The following WDR70 variants were observed in gnomAD, a reference collection of about 807,000 sequenced individuals.
The protein encoded by WDR70 is WD repeat domain 70, also known as WD repeat-containing protein 70.
Under a neutral mutation model 88.6 loss-of-function variants are expected in WDR70, and 53 were observed. The observed-to-expected ratio is 0.60, with a 90% CI of 0.48 to 0.75. WDR70 has a LOEUF of 0.75. Ranked by LOEUF, WDR70 falls within the 30% of genes least tolerant of loss-of-function variation. The probability of loss-of-function intolerance (pLI) is 0.00; values close to 1 mark genes in which losing one functional copy is unlikely to be tolerated. For synonymous variants in WDR70, 280 were observed against 270.0 expected, an observed-to-expected ratio of 1.04 and a Z score of -0.36; for missense variants, 610 against 823.2, an observed-to-expected ratio of 0.74 and a Z score of 3.17.
intron 10 of WDR70, among the ~76,000 whole-genome samples, chr5:37,613,711 T>TA (rs1308314091): frequency 6.6e-6 from 1 of 152,194 alleles, no homozygotes; most frequent in African/African-American, 2.4e-5. Flanking sequence ...ACTTACTAAG[T>TA]ACTTACTGTG....
chr5:37,714,620 G>A (rs926416481), intron 13 of WDR70, among the ~76,000 whole-genome samples: 11 of 152,164 alleles, frequency 7.2e-5, no homozygotes, highest in Non-Finnish European at 1.0e-4. Context: ...CCACCAGTGG[G>A]AAGCTCTGCT....
At chr5:37,721,084 T>G (rs1243459732) in intron 13 of WDR70, 31 bp from the exon 14 acceptor site, 1 of 1,604,448 alleles carries the variant, frequency 6.2e-7, no homozygotes, top group Admixed American at 1.7e-5. Flanking sequence ...ATCTGGCCTC[T>G]TTAGTCAACC....
intron 6 of WDR70, among the ~76,000 whole-genome samples, chr5:37,439,821 A>AC (rs1473660421): frequency 1.3e-5 from 2 of 151,986 alleles, no homozygotes; most frequent in African/African-American, 4.8e-5. Flanking sequence ...TCCCCACCTT[A>AC]CAGGATTATT....
At chr5:37,692,869 C>A (rs56051431) in intron 10 of WDR70, among the ~76,000 whole-genome samples, 35,909 of 151,706 alleles carry the variant, frequency 0.24, 4,952 homozygotes, top group Admixed American at 0.38. Flanking sequence ...TGGGCCAGGG[C>A]AATCAGGCAA....
At chr5:37,697,829 C>T in intron 11 of WDR70, 75 bp downstream of exon 11, 1 of 1,284,750 alleles carries the variant, frequency 7.8e-7, no homozygotes, top group Non-Finnish European at 1.1e-6. Flanking sequence ...ACAATAATAT[C>T]CTAGTGCTTA....
intron 9 of WDR70, among the ~76,000 whole-genome samples, chr5:37,578,706 T>TAA (rs1743127780): frequency 6.6e-6 from 1 of 152,224 alleles, no homozygotes; most frequent in Non-Finnish European, 1.5e-5. Context: ...CTAATTAGAC[T>TAA]CTGTTCTCAA....
At position 37,557,010 on chromosome 5, in the gene WDR70, G is replaced by A. The variant is rs145045409; in HGVS notation, c.917+40420G>A. ...GGGGTTTCACTGGGCTTAATATTTC[G>A]TTTTCCTTTTAAAAATGCAATTGTA... On this transcript the variant is annotated intron_variant, in intron 9 of 17. Transcript: ENST00000265107. Among the ~76,000 whole-genome samples the A allele has an allele frequency of 2.5e-4, 38 of 152,106 alleles. No homozygotes were observed. The Middle Eastern group carries it at 0.01, about 41-fold the overall frequency.
At chr5:37,581,291 G>A (rs1364463524) in intron 9 of WDR70, among the ~76,000 whole-genome samples, 1 of 152,094 alleles carries the variant, frequency 6.6e-6, no homozygotes, top group Non-Finnish European at 1.5e-5. Flanking sequence ...AATAAACACA[G>A]TTGGGCATTT....
chr5:37,455,400 C>G (rs1367193504), intron 7 of WDR70, among the ~76,000 whole-genome samples: 2 of 151,644 alleles, frequency 1.3e-5, no homozygotes, highest in South Asian at 4.2e-4. Context: ...CGCCACCATG[C>G]CCGGCTAATT....
At chr5:37,594,376 C>T (rs954071450) in intron 9 of WDR70, among the ~76,000 whole-genome samples, 23 of 152,212 alleles carry the variant, frequency 1.5e-4, no homozygotes, top group Non-Finnish European at 2.8e-4. Context: ...AGCCAGTTTT[C>T]CCAGCACCAT....
At chr5:37,617,134 G>A (rs1744368036) in intron 10 of WDR70, among the ~76,000 whole-genome samples, 1 of 152,150 alleles carries the variant, frequency 6.6e-6, no homozygotes, top group Admixed American at 6.6e-5. Context: ...GAACAATACT[G>A]TGAATTAAGT....
intron 17 of WDR70, among the ~76,000 whole-genome samples, chr5:37,739,992 T>C (rs912525553): frequency 2.6e-5 from 4 of 152,236 alleles, no homozygotes; most frequent in Non-Finnish European, 5.9e-5. Context: ...ATTTGTTTCC[T>C]GTTAGCTTTA....
At chr5:37,600,439 A>G (rs917900879) in intron 9 of WDR70, among the ~76,000 whole-genome samples, 2 of 150,682 alleles carry the variant, frequency 1.3e-5, no homozygotes, top group Non-Finnish European at 2.9e-5. Flanking sequence ...AGGCAGGAGA[A>G]TGGCATGAAC....
At chr5:37,421,623 CTG>C (rs1453924443) in intron 5 of WDR70, among the ~76,000 whole-genome samples, 1 of 152,070 alleles carries the variant, frequency 6.6e-6, no homozygotes, top group African/African-American at 2.4e-5. Context: ...AGTAACAGAA[CTG>C]TGGAGATATC....
chr5:37,591,456 TG>T (rs35399206), intron 9 of WDR70, among the ~76,000 whole-genome samples: 5,664 of 152,234 alleles, frequency 0.037, 360 homozygotes, highest in African/African-American at 0.13. Flanking sequence ...TTAGACGAAA[TG>T]GAAAAATTTC....
At chr5:37,543,653 A>G (rs1396914410) in intron 9 of WDR70, among the ~76,000 whole-genome samples, 1 of 152,160 alleles carries the variant, frequency 6.6e-6, no homozygotes, top group African/African-American at 2.4e-5. Context: ...GCATTTCTTA[A>G]TATTGGCTTA....
At chr5:37,623,406 T>A (rs749367186) in intron 10 of WDR70, among the ~76,000 whole-genome samples, 1 of 152,164 alleles carries the variant, frequency 6.6e-6, no homozygotes, top group South Asian at 2.1e-4. Flanking sequence ...GTAAACTAGA[T>A]GCTTTCAGAG....
intron 17 of WDR70, among the ~76,000 whole-genome samples, chr5:37,742,537 C>T (rs1482493916): frequency 6.6e-6 from 1 of 152,066 alleles, no homozygotes; most frequent in African/African-American, 2.4e-5. Context: ...TCTGCCTTTT[C>T]ACTCTGTCAG....
In WDR70 at chr5:37,531,808, G is replaced by T. The variant is rs183523774; in HGVS notation, c.917+15218G>T. 2.0e-3 allele frequency among the ~76,000 whole-genome samples: 288 copies of T among 147,280 alleles called. 1 individual carries two copies. Among genetic ancestry groups the T allele is most frequent in the African/African-American group, 6.9e-3 (276 of 40,014 alleles). The stretch of plus-strand genomic sequence containing the variant: ...TATTCTATTCATTGTGCTATTTGTT[G>T]CCTGAATACCTTTTTTTTTTCATTG... On this transcript the variant is annotated intron_variant, in intron 9 of 17. Transcript: ENST00000265107.
Sources: gnomAD v4.1 joint callset for allele counts (sites outside exome capture counted in the v4.1 genomes callset) on GRCh38, gnomAD v4.1.1 for gene constraint, MANE v1.5 for transcripts, NCBI Gene and HGNC (gene_info 2026-07-23, HGNC 2026-07-21) for gene names.